CA10: variants seen among roughly 807,000 people sequenced by gnomAD.
The protein encoded by CA10 is carbonic anhydrase 10 (inactive), also known as carbonic anhydrase-related protein 10.
CA10 carries 14 observed loss-of-function variants against 44.2 expected under a neutral mutation model. That is an observed-to-expected ratio of 0.32 (90% CI 0.21 to 0.50). The LOEUF (loss-of-function observed/expected upper bound fraction) is 0.50. CA10 is among the 20% of genes least tolerant of loss of function. CA10 has a pLI of 0.99. For missense variants in CA10, 350 were observed against 409.7 expected (o/e 0.85, Z 1.26); for synonymous variants, 159 against 141.6 (o/e 1.12, Z -0.87).
chr17:52,149,585 T>C (rs753987997), intron 1 of CA10, among the ~76,000 whole-genome samples: 4 of 152,158 alleles, frequency 2.6e-5, no homozygotes, highest in Non-Finnish European at 5.9e-5. Flanking sequence ...TAAGGTTACA[T>C]GAAATAAAAA....
At chr17:51,945,342 G>A (rs145122026) in intron 2 of CA10, among the ~76,000 whole-genome samples, 93 of 152,218 alleles carry the variant, frequency 6.1e-4, no homozygotes, top group Middle Eastern at 6.8e-3. Flanking sequence ...CTCCATCAAG[G>A]GTGGGGTAAA....
At chr17:51,833,568 AC>A (rs1908363742) in intron 3 of CA10, among the ~76,000 whole-genome samples, 1 of 152,198 alleles carries the variant, frequency 6.6e-6, no homozygotes, top group Non-Finnish European at 1.5e-5. Context: ...TTTCAATGCT[AC>A]CTTTAAAACA....
At chr17:51,659,535 C>A (rs1388228654) in intron 4 of CA10, among the ~76,000 whole-genome samples, 2 of 152,136 alleles carry the variant, frequency 1.3e-5, no homozygotes, top group East Asian at 1.9e-4. Flanking sequence ...ACTTTGCAAC[C>A]AAAATGGGAT....
chr17:51,735,968 G>A (rs1916894328), intron 4 of CA10, among the ~76,000 whole-genome samples: 1 of 152,158 alleles, frequency 6.6e-6, no homozygotes, highest in Admixed American at 6.5e-5. Context: ...AACTTTTTGG[G>A]TTGATGGAAG....
intron 3 of CA10, among the ~76,000 whole-genome samples, chr17:51,756,392 G>C (rs1272234002): frequency 6.6e-6 from 1 of 152,008 alleles, no homozygotes; most frequent in Admixed American, 6.6e-5. Flanking sequence ...CTATTTGACT[G>C]CACATTCTAT....
At chr17:52,030,972 C>T (rs1377210403) in intron 2 of CA10, among the ~76,000 whole-genome samples, 1 of 152,102 alleles carries the variant, frequency 6.6e-6, no homozygotes, top group Non-Finnish European at 1.5e-5. Flanking sequence ...TTGAGGATAT[C>T]ATGGGACTTC....
intron 4 of CA10, among the ~76,000 whole-genome samples, chr17:51,678,138 A>C (rs891746044): frequency 6.6e-5 from 10 of 152,240 alleles, no homozygotes; most frequent in African/African-American, 2.2e-4. Flanking sequence ...CAGACCAAAA[A>C]CTCACATATT....
intron 1 of CA10, among the ~76,000 whole-genome samples, chr17:52,155,808 T>C (rs1989791901): frequency 6.6e-6 from 1 of 152,230 alleles, no homozygotes; most frequent in African/African-American, 2.4e-5. Flanking sequence ...AATGATTATT[T>C]AGTAAATACA....
intron 3 of CA10, among the ~76,000 whole-genome samples, chr17:51,850,923 G>C (rs1311511423): frequency 2.0e-5 from 3 of 152,192 alleles, no homozygotes; most frequent in East Asian, 3.9e-4. Context: ...GCCTCTGAGA[G>C]GGCAGGTTAT....
intron 2 of CA10, among the ~76,000 whole-genome samples, chr17:51,955,217 A>C (rs560341458): frequency 6.6e-6 from 1 of 152,262 alleles, no homozygotes; most frequent in East Asian, 1.9e-4. Context: ...TGCATCTCGA[A>C]GTGGTCACCT....
chr17:51,730,646 G>A (rs1916680200), intron 4 of CA10, among the ~76,000 whole-genome samples: 1 of 152,128 alleles, frequency 6.6e-6, no homozygotes. Context: ...TGAAAAAAAT[G>A]CATCTTCCAT....
chr17:51,783,467 C>T (rs1319051106), intron 3 of CA10, among the ~76,000 whole-genome samples: 1 of 152,102 alleles, frequency 6.6e-6, no homozygotes, highest in Admixed American at 6.6e-5. Context: ...GAAACCAAAC[C>T]CCAGCAAGGT....
At position 51,820,414 on chromosome 17, in the gene CA10, C is replaced by G. The variant is rs372494809; in HGVS notation, c.280-72596G>C. 9.2e-4 allele frequency among the ~76,000 whole-genome samples: 91 copies of G among 99,208 alleles called. 4 individuals carry two copies. The highest frequency in any genetic ancestry group is 4.0e-3 in the Middle Eastern group (1 of 250). The allele number at this position is 99,208 out of a possible 152,430, so 65.1% of individuals were successfully genotyped here. On this transcript the variant is annotated intron_variant, in intron 3 of 8. Coordinates refer to ENST00000451037, the MANE Select transcript of CA10 (RefSeq NM_020178.5). Reference sequence around the variant, plus strand: ...ACCTGGGGATTCCCCTACCCCCCCCCCCCCGCCCGCCGATTTTCCTGTACA... The same window carrying G: ...ACCTGGGGATTCCCCTACCCCCCCCGCCCCGCCCGCCGATTTTCCTGTACA...
intron 4 of CA10, among the ~76,000 whole-genome samples, chr17:51,714,331 G>A (rs1377898780): frequency 6.6e-6 from 1 of 152,138 alleles, no homozygotes; most frequent in East Asian, 1.9e-4. Flanking sequence ...ATGTAATCTT[G>A]GGCAAATTCT....
chr17:51,958,157 G>GA (rs1201462999), intron 2 of CA10, among the ~76,000 whole-genome samples: 1 of 151,426 alleles, frequency 6.6e-6, no homozygotes, highest in African/African-American at 2.4e-5. Flanking sequence ...TAGCTGCAAA[G>GA]AAAAAAACAC....
At chr17:52,001,246 C>T (rs1985415465) in intron 2 of CA10, among the ~76,000 whole-genome samples, 1 of 151,982 alleles carries the variant, frequency 6.6e-6, no homozygotes, top group Non-Finnish European at 1.5e-5. Flanking sequence ...CAACAGAGGC[C>T]TGTGTGGCTT....
At chr17:51,743,384 C>A (rs1240736480) in intron 4 of CA10, among the ~76,000 whole-genome samples, 2 of 152,144 alleles carry the variant, frequency 1.3e-5, no homozygotes, top group Non-Finnish European at 2.9e-5. Flanking sequence ...GATTAGCAAG[C>A]TAAGGGTCTT....
intron 3 of CA10, among the ~76,000 whole-genome samples, chr17:51,749,727 C>A (rs1904829084): frequency 6.6e-6 from 1 of 152,182 alleles, no homozygotes; most frequent in Admixed American, 6.5e-5. Context: ...CGCCTGAGTG[C>A]CAACCATACT....
intron 3 of CA10, among the ~76,000 whole-genome samples, chr17:51,848,764 G>T (rs1978611219): frequency 6.6e-6 from 1 of 152,126 alleles, no homozygotes; most frequent in African/African-American, 2.4e-5. Context: ...AAATTGCTGT[G>T]GGCAGGGCAT....
Sources: gnomAD v4.1 joint callset for allele counts (sites outside exome capture counted in the v4.1 genomes callset) on GRCh38, gnomAD v4.1.1 for gene constraint, MANE v1.5 for transcripts, NCBI Gene and HGNC (gene_info 2026-07-23, HGNC 2026-07-21) for gene names.